The following GNB2 variants were observed in gnomAD, a reference collection of about 807,000 sequenced individuals.
GNB2 encodes the protein G protein subunit beta 2.
Under a neutral mutation model 40.7 loss-of-function variants are expected in GNB2, and 7 were observed. The observed-to-expected ratio is 0.17, with a 90% confidence interval of 0.10 to 0.32. The LOEUF (loss-of-function observed/expected upper bound fraction) is 0.32, where lower values mean the gene tolerates loss of function less well. Ranked by LOEUF, GNB2 falls within the 10% of genes least tolerant of loss-of-function variation. The pLI, the probability that GNB2 is intolerant of heterozygous loss-of-function variation, is 1.00. For synonymous variants in GNB2, 254 were observed against 191.2 expected (o/e 1.33, Z -2.71); for missense variants, 286 against 473.0 (o/e 0.60, Z 3.67).
chr7:100,677,040 G>T, intron 4 of GNB2: 1 of 593,596 alleles, frequency 1.7e-6, no homozygotes, highest in Non-Finnish European at 3.0e-6. Context: ...ACGTGGGGAG[G>T]CCAGGGCAGG....
chr7:100,675,350 G>A (rs987413638), intron 1 of GNB2: 1 of 151,326 alleles, frequency 6.6e-6, no homozygotes, highest in Admixed American at 6.6e-5. Flanking sequence ...GCGCTGGAGG[G>A]AGCAGCGGCT....
Position 100,678,474 on chromosome 7 carries a change from A to G in GNB2, c.776A>G (p.Gln259Arg). 6.2e-7 allele frequency: 1 copy of G among 1,613,784 alleles called. No homozygotes were observed. The change falls in exon 9 of 10, where the codon CAG (glutamine) becomes CGG (arginine). Residue 259 changes from glutamine (Q) to arginine (R), a missense_variant. Physicochemically the swap from Gln to Arg is conservative, Grantham distance 43. Transcript: ENST00000303210. Reference sequence around the variant, plus strand: ...CGCCTCTTCGACCTGCGGGCCGATCAGGAGCTCCTCATGTACTCCCATGAC... The same window carrying G: ...CGCCTCTTCGACCTGCGGGCCGATCGGGAGCTCCTCATGTACTCCCATGAC... ...TCRLFDLRAD[Q>R]ELLMYSHDNI...
Position 100,679,006 on chromosome 7 carries a change from G to A in GNB2, c.*205G>A. ...ATGGAATGGGGGAAGAGGAGGAGCA[G>A]GAGGCCCTCATCCTTCTGCTGCCCT... is the stretch of plus-strand genomic sequence containing the variant. On this transcript the variant is annotated 3_prime_UTR_variant, in exon 10 of 10. Transcript: ENST00000303210. 2 of 569,576 alleles carry A rather than the reference G, an allele frequency of 3.5e-6. No homozygotes were observed. Among genetic ancestry groups the A allele is most frequent in the Admixed American group, 3.1e-5 (1 of 32,290 alleles). The allele number at this position is 569,576 out of a possible 1,614,324, so 35.3% of individuals were successfully genotyped here.
chr7:100,678,373 C>G (rs776413782), intron 8 of GNB2, 25 bp from the exon 9 acceptor site: 1 of 1,605,660 alleles, frequency 6.2e-7, no homozygotes, highest in South Asian at 1.1e-5. Flanking sequence ...TCACCCTCAC[C>G]CCATCTGGGT....
Position 100,676,775 on chromosome 7 carries a change from C to A in GNB2, c.179C>A (p.Ala60Asp). ...TLRGHLAKIY[A>D]MHWGTDSRLL... Reference sequence around the variant, plus strand: ...CGTGGGCACCTGGCAAAGATCTATGCCATGCACTGGGGGACCGACTCAAGG... The same window carrying A: ...CGTGGGCACCTGGCAAAGATCTATGACATGCACTGGGGGACCGACTCAAGG... Residue 60 changes from alanine (A) to aspartate (D), a missense_variant, in exon 4 of 10, where the codon GCC becomes GAC. Physicochemically the swap from Ala to Asp is moderately radical, Grantham distance 126. Coordinates refer to ENST00000303210, the MANE Select transcript of GNB2 (RefSeq NM_005273.4). 6.3e-7 allele frequency: 1 copy of A among 1,591,506 alleles called. No individual in the cohort carries two copies. Among genetic ancestry groups the A allele is most frequent in the Non-Finnish European group, 8.6e-7 (1 of 1,168,230 alleles).
chr7:100,675,864 G>A, intron 1 of GNB2: 1 of 204,482 alleles, frequency 4.9e-6, no homozygotes, highest in South Asian at 1.1e-4. Flanking sequence ...TGTTTTCGAA[G>A]GGACACCCCC....
At chr7:100,674,175 C>T (rs1229182934) in intron 1 of GNB2, among the ~76,000 whole-genome samples, 1 of 152,018 alleles carries the variant, frequency 6.6e-6, no homozygotes, top group Non-Finnish European at 1.5e-5. Context: ...CCCAGCCCAG[C>T]CCCGACTGCC....
At position 100,678,899 on chromosome 7, in the gene GNB2, C is replaced by G; in HGVS notation, c.*98C>G. ...GCTGGCGCAATCCCAGCCCCCTTCC[C>G]CGGGCCACGGGGCCTTGGGTCCCTG... On this transcript the variant is annotated 3_prime_UTR_variant, in exon 10 of 10. Coordinates refer to ENST00000303210, the MANE Select transcript of GNB2 (RefSeq NM_005273.4). 1.0e-6 allele frequency: 1 copy of G among 961,638 alleles called. No individual in the cohort carries two copies. The highest frequency in any genetic ancestry group is 1.6e-6 in the Non-Finnish European group (1 of 632,812). The allele number at this position is 961,638 out of a possible 1,614,324, so 59.6% of individuals were successfully genotyped here.
chr7:100,676,182 G>C lies in GNB2; in HGVS notation c.-84G>C, dbSNP rs1232813961. 1 of 784,840 alleles carries C rather than the reference G, an allele frequency of 1.3e-6. No individual in the cohort carries two copies. Among genetic ancestry groups the C allele is most frequent in the Non-Finnish European group, 2.1e-6 (1 of 485,198 alleles). 48.6% of individuals were successfully genotyped at this position (784,840 alleles called of 1,614,324 possible). The stretch of plus-strand genomic sequence containing the variant: ...GTCAGCCCTGCATCCCCCAGGCCTC[G>C]GGCCAGCGGCCAGGAGCTGCCTCCC... On this transcript the variant is annotated 5_prime_UTR_variant, in exon 2 of 10. Coordinates refer to ENST00000303210, the MANE Select transcript of GNB2 (RefSeq NM_005273.4).
intron 1 of GNB2, among the ~76,000 whole-genome samples, chr7:100,674,778 GC>G (rs757620949): frequency 4.6e-5 from 7 of 152,184 alleles, no homozygotes; most frequent in African/African-American, 7.2e-5. Context: ...CGTCGCCCCC[GC>G]CCCCAGTTTC....
In GNB2 at chr7:100,678,392, C is replaced by G; in HGVS notation, c.700-6C>G. Reference sequence around the variant, plus strand: ...CCTCACCCCATCTGGGTCCCGTGTCCTGCAGTTCTTCCCCAACGGCTACGC... The same window carrying G: ...CCTCACCCCATCTGGGTCCCGTGTCGTGCAGTTCTTCCCCAACGGCTACGC... On this transcript the variant is annotated splice_polypyrimidine_tract_variant and splice_region_variant and intron_variant, in intron 8 of 9. Coordinates refer to ENST00000303210, the MANE Select transcript of GNB2 (RefSeq NM_005273.4). The G allele has an allele frequency of 1.2e-6, 2 of 1,612,324 alleles. No individual in the cohort carries two copies. The highest frequency in any genetic ancestry group is 1.7e-6 in the Non-Finnish European group (2 of 1,179,172).
chr7:100,676,261 G>T lies in GNB2; in HGVS notation c.-5G>T. The stretch of plus-strand genomic sequence containing the variant: ...CCCCCAACCCTGCCCCACGGGCCCG[G>T]CGCCATGAGTGAGCTGGAGCAACTG... On this transcript the variant is annotated 5_prime_UTR_variant, in exon 2 of 10. Coordinates refer to ENST00000303210, the MANE Select transcript of GNB2 (RefSeq NM_005273.4). 1.3e-6 allele frequency: 2 copies of T among 1,599,866 alleles called. No individual in the cohort carries two copies. The highest frequency in any genetic ancestry group is 1.7e-6 in the Non-Finnish European group (2 of 1,173,630).
chr7:100,676,235 G>C lies in GNB2; in HGVS notation c.-31G>C. The C allele has an allele frequency of 7.2e-7, 1 of 1,383,392 alleles. No individual in the cohort carries two copies. Among genetic ancestry groups the C allele is most frequent in the Non-Finnish European group, 1.0e-6 (1 of 995,044 alleles). The allele number at this position is 1,383,392 out of a possible 1,614,324, so 85.7% of individuals were successfully genotyped here. A position where few individuals can be genotyped will look rare whatever the true frequency, so the allele number is the denominator to read the frequency against. On this transcript the variant is annotated 5_prime_UTR_variant, in exon 2 of 10. Transcript: ENST00000303210. ...AGCCCCCGTCCCGCGGCCCCCAGCC[G>C]CCCCCAACCCTGCCCCACGGGCCCG...
At chr7:100,677,277 C>G in intron 4 of GNB2, 75 bp from the exon 5 acceptor site, 10 of 1,184,514 alleles carry the variant, frequency 8.4e-6, no homozygotes, top group Non-Finnish European at 1.3e-5. Context: ...ACCCTACCTT[C>G]TCCCACCCAA....
In GNB2 at chr7:100,679,118, ATTT is replaced by A; in HGVS notation, c.*320_*322del. On this transcript the variant is annotated 3_prime_UTR_variant, in exon 10 of 10. Coordinates refer to ENST00000303210, the MANE Select transcript of GNB2 (RefSeq NM_005273.4). ...CTTTTTTAAAACTGGTTTTATTTTAATTTTTATTATATTTTCAGTTTTTCCATA... is the reference window on the plus strand; with the variant it reads ...CTTTTTTAAAACTGGTTTTATTTTAATTATTATATTTTCAGTTTTTCCATA... 1 of 312,438 alleles carries A rather than the reference ATTT, an allele frequency of 3.2e-6. No homozygotes were observed. Among genetic ancestry groups the A allele is most frequent in the Non-Finnish European group, 5.9e-6 (1 of 169,500 alleles). 19.4% of individuals were successfully genotyped at this position (312,438 alleles called of 1,614,324 possible). A position where few individuals can be genotyped will look rare whatever the true frequency, so the allele number is the denominator to read the frequency against.
At position 100,678,907 on chromosome 7, in the gene GNB2, C is replaced by G; in HGVS notation, c.*106C>G. ...AATCCCAGCCCCCTTCCCCGGGCCA[C>G]GGGGCCTTGGGTCCCTGCCCTCCCA... On this transcript the variant is annotated 3_prime_UTR_variant, in exon 10 of 10. Coordinates refer to ENST00000303210, the MANE Select transcript of GNB2 (RefSeq NM_005273.4). 1.1e-6 allele frequency: 1 copy of G among 886,884 alleles called. No homozygotes were observed. The highest frequency in any genetic ancestry group is 1.8e-6 in the Non-Finnish European group (1 of 571,324). 54.9% of individuals were successfully genotyped at this position (886,884 alleles called of 1,614,324 possible).
At position 100,677,617 on chromosome 7, in the gene GNB2, C is replaced by T. The variant is rs142051741; in HGVS notation, c.387C>T (p.Arg129=). The change falls in exon 6 of 10, where the codon CGC becomes CGT. Residue 129 remains arginine, a synonymous_variant. Coordinates refer to ENST00000303210, the MANE Select transcript of GNB2 (RefSeq NM_005273.4). ...GCTCCATCTACAGCCTCAAGACCCG[C>T]GAGGGCAACGTCAGGGTCAGCCGGG... ...NICSIYSLKT[R]EGNVRVSREL... 13 of 1,613,422 alleles carry T rather than the reference C, an allele frequency of 8.1e-6. No homozygotes were observed. Among genetic ancestry groups the T allele is most frequent in the African/African-American group, 2.7e-5 (2 of 75,058 alleles).
In GNB2 at chr7:100,678,806, C is replaced by T. The variant is rs775059345; in HGVS notation, c.*5C>T. On this transcript the variant is annotated 3_prime_UTR_variant, in exon 10 of 10. Coordinates refer to ENST00000303210, the MANE Select transcript of GNB2 (RefSeq NM_005273.4). The stretch of plus-strand genomic sequence containing the variant: ...TTCCTCAAGATCTGGAACTAATGGC[C>T]CCACCCCCACTGGGCCCAGGCCAGG... The T allele has an allele frequency of 1.3e-6, 2 of 1,599,976 alleles. No homozygotes were observed. Among genetic ancestry groups the T allele is most frequent in the Non-Finnish European group, 1.7e-6 (2 of 1,167,752 alleles).
chr7:100,679,046 AC>A lies in GNB2; in HGVS notation c.*249del, dbSNP rs1305743738. On this transcript the variant is annotated 3_prime_UTR_variant, in exon 10 of 10. Coordinates refer to ENST00000303210, the MANE Select transcript of GNB2 (RefSeq NM_005273.4). The stretch of plus-strand genomic sequence containing the variant: ...TCTGCTGCCCTGGGGTTGGGGCCTC[AC>A]CCCTCTGGAGGGCCGGAGGCAGGAG... 2.0e-6 allele frequency: 1 copy of A among 501,122 alleles called. No individual in the cohort carries two copies. The highest frequency in any genetic ancestry group is 3.5e-6 in the Non-Finnish European group (1 of 282,272). The allele number at this position is 501,122 out of a possible 1,614,324, so 31.0% of individuals were successfully genotyped here.
Sources: allele counts gnomAD v4.1 joint callset (sites outside exome capture counted in the v4.1 genomes callset), GRCh38; gene constraint gnomAD v4.1.1; transcripts MANE v1.5; gene names NCBI Gene and HGNC (gene_info 2026-07-23, HGNC 2026-07-21).